The following ILKAP variants were observed in gnomAD, a reference collection of about 807,000 sequenced individuals.
ILKAP encodes ILK associated serine/threonine phosphatase.
Under a neutral mutation model 49.1 loss-of-function variants are expected in ILKAP, and 11 were observed. The observed-to-expected ratio is 0.22, with a 90% CI of 0.14 to 0.37. ILKAP has a LOEUF of 0.37. Ranked by LOEUF, ILKAP falls within the 10% of genes least tolerant of loss-of-function variation. The pLI is 1.00. For synonymous variants in ILKAP, 186 were observed against 192.8 expected (o/e 0.96, Z 0.29); for missense variants, 363 against 510.8 (o/e 0.71, Z 2.79).
intron 3 of ILKAP, 33 bp from the exon 4 acceptor site, chr2:238,190,005 A>G (rs1694055527): frequency 6.2e-7 from 1 of 1,607,442 alleles, no homozygotes; most frequent in Non-Finnish European, 8.5e-7. Context: ...ACAGAAACAC[A>G]GCTGTAGACT....
intron 9 of ILKAP, among the ~76,000 whole-genome samples, chr2:238,178,517 G>A (rs1394497961): frequency 3.3e-5 from 5 of 152,130 alleles, no homozygotes; most frequent in Non-Finnish European, 7.4e-5. Context: ...CTATGAAACT[G>A]TTTTAACAAA....
chr2:238,181,831 A>G (rs1400359083), intron 9 of ILKAP, among the ~76,000 whole-genome samples: 10 of 152,168 alleles, frequency 6.6e-5, no homozygotes, highest in Admixed American at 6.5e-4. Flanking sequence ...AACACTGTGA[A>G]TGGTAAATAT....
At chr2:238,186,940 G>T (rs1693931342) in intron 5 of ILKAP, 1 of 152,156 alleles carries the variant, frequency 6.6e-6, no homozygotes, top group African/African-American at 2.4e-5. Flanking sequence ...GGCTCCAGAG[G>T]TCCCTTTCCT....
At chr2:238,191,758 A>T (rs966406089) in intron 3 of ILKAP, among the ~76,000 whole-genome samples, 2 of 151,984 alleles carry the variant, frequency 1.3e-5, no homozygotes, top group Admixed American at 1.3e-4. Flanking sequence ...AAATACAAAA[A>T]ATTAGCCGGG....
At chr2:238,197,408 A>C (rs1046949811) in intron 1 of ILKAP, among the ~76,000 whole-genome samples, 33 of 152,140 alleles carry the variant, frequency 2.2e-4, no homozygotes, top group African/African-American at 7.5e-4. Context: ...TCTTAGGACA[A>C]GGGAGGGGAC....
intron 9 of ILKAP, among the ~76,000 whole-genome samples, chr2:238,178,338 G>A (rs1284519952): frequency 6.6e-6 from 1 of 152,124 alleles, no homozygotes; most frequent in East Asian, 1.9e-4. Flanking sequence ...CACACCACCA[G>A]AACTGGCTCC....
intron 5 of ILKAP, among the ~76,000 whole-genome samples, chr2:238,187,557 G>C (rs935871818): frequency 3.3e-5 from 5 of 152,114 alleles, no homozygotes; most frequent in South Asian, 2.1e-4. Context: ...AGTTTGTATA[G>C]TTGCAGCTAA....
chr2:238,176,281 C>T (rs1290142033), intron 9 of ILKAP, among the ~76,000 whole-genome samples: 1 of 152,002 alleles, frequency 6.6e-6, no homozygotes, highest in East Asian at 1.9e-4. Flanking sequence ...TTACAGGTGC[C>T]TGCCACCGTG....
intron 9 of ILKAP, among the ~76,000 whole-genome samples, chr2:238,179,244 G>C (rs1693590875): frequency 6.6e-6 from 1 of 152,186 alleles, no homozygotes. Context: ...TGAATAGTCA[G>C]TTGGCACACA....
intron 10 of ILKAP, among the ~76,000 whole-genome samples, chr2:238,172,444 C>G (rs1053367780): frequency 2.0e-5 from 3 of 152,212 alleles, no homozygotes; most frequent in Non-Finnish European, 4.4e-5. Flanking sequence ...TCCTGGCAGG[C>G]TCCCACCCCT....
chr2:238,194,235 A>T (rs778360193), intron 3 of ILKAP, 40 bp downstream of exon 3: 2 of 1,559,034 alleles, frequency 1.3e-6, no homozygotes, highest in South Asian at 2.2e-5. Flanking sequence ...AATACTATGT[A>T]TTATTTCCAT....
chr2:238,173,952 C>T (rs1477266138), intron 9 of ILKAP: 2 of 316,324 alleles, frequency 6.3e-6, no homozygotes, highest in Non-Finnish European at 1.2e-5. Context: ...TCTCATCACA[C>T]ACCTAGGTCC....
At position 238,203,565 on chromosome 2, in the gene ILKAP, G is replaced by C; in HGVS notation, c.-12C>G. On this transcript the variant is annotated 5_prime_UTR_variant, in exon 1 of 12. Transcript: ENST00000254654. Reference sequence around the variant, plus strand: ...CCGAAGAGGTCCATGGCGGAGGCTGGGTGGAGGCGGCAGCAGCGACAGACA... The same window carrying C: ...CCGAAGAGGTCCATGGCGGAGGCTGCGTGGAGGCGGCAGCAGCGACAGACA... The C allele has an allele frequency of 1.7e-6, 2 of 1,159,194 alleles. No individual in the cohort carries two copies. The highest frequency in any genetic ancestry group is 2.1e-6 in the Non-Finnish European group (2 of 938,468). The allele number at this position is 1,159,194 out of a possible 1,614,324, so 71.8% of individuals were successfully genotyped here. A position where few individuals can be genotyped will look rare whatever the true frequency, so the allele number is the denominator to read the frequency against.
intron 1 of ILKAP, among the ~76,000 whole-genome samples, chr2:238,198,048 TCA>T (rs1694417879): frequency 6.6e-6 from 1 of 152,056 alleles, no homozygotes; most frequent in South Asian, 2.1e-4. Context: ...TCCAGAAACT[TCA>T]TAAACATCAA....
chr2:238,172,469 A>G (rs1022130032), intron 10 of ILKAP, among the ~76,000 whole-genome samples: 27 of 152,046 alleles, frequency 1.8e-4, no homozygotes, highest in Non-Finnish European at 3.4e-4. Flanking sequence ...GTGTCCTGAG[A>G]CTCAGACCCT....
Position 238,194,241 on chromosome 2 carries a change from TC to T in ILKAP, c.178+33del, listed in dbSNP as rs1384506096. On this transcript the variant is annotated intron_variant, in intron 3 of 11. Transcript: ENST00000254654. ...TAAGAGTAAAATACTATGTATTATT[TC>T]CATCAGCACCTTGGATTTTTCCTAC... 4.4e-6 allele frequency: 7 copies of T among 1,587,032 alleles called. No homozygotes were observed. The African/African-American group carries it at 9.4e-5, about 21-fold the overall frequency.
chr2:238,194,688 C>T, intron 2 of ILKAP, 117 bp downstream of exon 2: 3 of 1,067,806 alleles, frequency 2.8e-6, no homozygotes, highest in Non-Finnish European at 4.2e-6. Context: ...AAAGACAGTC[C>T]AACACCTAAA....
intron 8 of ILKAP, among the ~76,000 whole-genome samples, chr2:238,182,669 C>T (rs73999900): frequency 7.9e-4 from 120 of 152,348 alleles, no homozygotes; most frequent in African/African-American, 2.8e-3. Flanking sequence ...GTCTGTTTTA[C>T]AGGAAGACAC....
chr2:238,201,285 T>C (rs772709939), intron 1 of ILKAP, among the ~76,000 whole-genome samples: 2 of 152,252 alleles, frequency 1.3e-5, no homozygotes, highest in Non-Finnish European at 2.9e-5. Context: ...TGGTTGTAGC[T>C]AACAGCCTGC....
Sources: gnomAD v4.1 joint callset for allele counts (sites outside exome capture counted in the v4.1 genomes callset) on GRCh38, gnomAD v4.1.1 for gene constraint, MANE v1.5 for transcripts, NCBI Gene and HGNC (gene_info 2026-07-23, HGNC 2026-07-21) for gene names.